Variants in UBE2Q2 observed in about 807,000 individuals in gnomAD.
UBE2Q2 encodes the protein ubiquitin-conjugating enzyme E2 Q2.
Under a neutral mutation model 59.9 loss-of-function variants are expected in UBE2Q2, and 54 were observed. The ratio of observed to expected loss-of-function variants is 0.90; its 90% CI spans 0.72 to 1.13. The LOEUF (loss-of-function observed/expected upper bound fraction) is 1.13, where lower values mean the gene tolerates loss of function less well. Among genes scored for constraint, UBE2Q2 ranks in the 50% most tolerant of loss-of-function variants. UBE2Q2 has a pLI of 0.00. For missense variants in UBE2Q2, 433 were observed against 441.9 expected (o/e 0.98, Z 0.18); for synonymous variants, 165 against 155.2 (o/e 1.06, Z -0.47).
At chr15:75,886,311 G>A (rs1348198301) in intron 9 of UBE2Q2, among the ~76,000 whole-genome samples, 1 of 151,926 alleles carries the variant, frequency 6.6e-6, no homozygotes, top group Non-Finnish European at 1.5e-5. Context: ...GTAGAGACAG[G>A]GTTTCACCAT....
At chr15:75,864,759 C>T (rs1475928688) in intron 3 of UBE2Q2, among the ~76,000 whole-genome samples, 4 of 151,984 alleles carry the variant, frequency 2.6e-5, no homozygotes, top group African/African-American at 7.2e-5. Flanking sequence ...GTGAAAGAAT[C>T]CTCTTTTAGT....
At chr15:75,861,553 T>C (rs532644618) in intron 3 of UBE2Q2, among the ~76,000 whole-genome samples, 1 of 152,338 alleles carries the variant, frequency 6.6e-6, no homozygotes, top group Non-Finnish European at 1.5e-5. Context: ...AACTTTCTCC[T>C]TTCCATTTTA....
In UBE2Q2 at chr15:75,847,622, AGTT is replaced by A. The variant is rs532137836; in HGVS notation, c.180+3780_180+3782del. ...AAACTAACCTGATTGCCGTCTAATTAGTTGTTACAATCACACCGAAATGCAAAG... is the reference window on the plus strand; with the variant it reads ...AAACTAACCTGATTGCCGTCTAATTAGTTACAATCACACCGAAATGCAAAG... On this transcript the variant is annotated intron_variant, in intron 1 of 12. Transcript: ENST00000267938. 1.1e-4 allele frequency among the ~76,000 whole-genome samples: 17 copies of A among 152,324 alleles called. No individual in the cohort carries two copies. The East Asian group carries it at 3.3e-3, about 29-fold the overall frequency.
intron 3 of UBE2Q2, among the ~76,000 whole-genome samples, chr15:75,867,443 A>G (rs1308838064): frequency 6.6e-6 from 1 of 152,096 alleles, no homozygotes; most frequent in East Asian, 1.9e-4. Context: ...GCATGTCCTT[A>G]TAGTTTTAGT....
chr15:75,877,443 T>C (rs971530738), intron 6 of UBE2Q2, among the ~76,000 whole-genome samples: 50 of 151,608 alleles, frequency 3.3e-4, no homozygotes, highest in African/African-American at 1.1e-3. Context: ...TATTTTTAAA[T>C]GTTAAATAAT....
At chr15:75,878,218 C>A in intron 7 of UBE2Q2, 197 bp downstream of exon 7, 1 of 531,918 alleles carries the variant, frequency 1.9e-6, no homozygotes, top group Non-Finnish European at 3.3e-6. Flanking sequence ...AGAGGAAGGA[C>A]AGAAAGAGGG....
intron 3 of UBE2Q2, among the ~76,000 whole-genome samples, chr15:75,867,737 C>T (rs966184381): frequency 2.0e-5 from 3 of 152,134 alleles, no homozygotes; most frequent in African/African-American, 7.2e-5. Context: ...CCTCAGAGAG[C>T]TTTTGAAAAA....
At chr15:75,849,438 A>G (rs1896524378) in intron 1 of UBE2Q2, among the ~76,000 whole-genome samples, 2 of 152,208 alleles carry the variant, frequency 1.3e-5, no homozygotes, top group Admixed American at 1.3e-4. Flanking sequence ...CTGGTCAACC[A>G]GTTTTGGTTG....
intron 1 of UBE2Q2, among the ~76,000 whole-genome samples, chr15:75,852,682 G>A (rs529965663): frequency 6.6e-6 from 1 of 152,272 alleles, no homozygotes; most frequent in Non-Finnish European, 1.5e-5. Flanking sequence ...TGGTCCAGAT[G>A]GTGTATTCCC....
intron 2 of UBE2Q2, among the ~76,000 whole-genome samples, chr15:75,859,233 A>G (rs1897086821): frequency 6.6e-6 from 1 of 152,092 alleles, no homozygotes; most frequent in Non-Finnish European, 1.5e-5. Flanking sequence ...AATTATTGTT[A>G]TTTTTTATAC....
chr15:75,897,430 A>G (rs1899492125), intron 12 of UBE2Q2, among the ~76,000 whole-genome samples: 1 of 151,746 alleles, frequency 6.6e-6, no homozygotes. Context: ...TGTGTTAGCC[A>G]GGATGGTCTC....
chr15:75,865,736 A>G (rs1471353399), intron 3 of UBE2Q2, among the ~76,000 whole-genome samples: 1 of 150,566 alleles, frequency 6.6e-6, no homozygotes, highest in Non-Finnish European at 1.5e-5. Flanking sequence ...TTTGCTTCTT[A>G]TTGCTGCTCC....
chr15:75,843,932 C>G lies in UBE2Q2; in HGVS notation c.180+86C>G. ...TCCCGGGACAAAGGGGAGCCTGCCC[C>G]GGAGAGGCTCCGGCTCCCCGGGCGG... On this transcript the variant is annotated intron_variant, in intron 1 of 12. Transcript: ENST00000267938. The G allele has an allele frequency of 6.3e-6, 9 of 1,428,440 alleles. No individual in the cohort carries two copies. The South Asian group carries it at 1.0e-4, about 16-fold the overall frequency. The allele number at this position is 1,428,440 out of a possible 1,614,324, so 88.5% of individuals were successfully genotyped here. A position where few individuals can be genotyped will look rare whatever the true frequency, so the allele number is the denominator to read the frequency against.
intron 1 of UBE2Q2, chr15:75,844,220 C>T (rs1471784847): frequency 4.1e-6 from 6 of 1,473,642 alleles, no homozygotes; most frequent in Non-Finnish European, 4.5e-6. Flanking sequence ...GGCGCAGCTC[C>T]GGCTGTTGTT....
intron 9 of UBE2Q2, among the ~76,000 whole-genome samples, chr15:75,889,180 A>AC (rs796790081): frequency 1.2e-4 from 19 of 152,260 alleles, no homozygotes; most frequent in African/African-American, 4.3e-4. Context: ...TAGAATACAC[A>AC]AAAAAAAATT....
At chr15:75,862,445 A>G in intron 3 of UBE2Q2, among the ~76,000 whole-genome samples, 1 of 145,928 alleles carries the variant, frequency 6.9e-6, no homozygotes, top group Non-Finnish European at 1.5e-5. Context: ...ACCTTTCCTC[A>G]GGTATCTATT....
In UBE2Q2 at chr15:75,843,853, C is replaced by T. The variant is rs2047866; in HGVS notation, c.180+7C>T. 796,496 of 1,557,132 alleles carry T rather than the reference C, an allele frequency of 0.51. 207,975 individuals carry two copies. Among genetic ancestry groups the T allele is most frequent in the South Asian group, 0.66 (56,199 of 85,258 alleles). On this transcript the variant is annotated splice_region_variant and intron_variant, in intron 1 of 12. Coordinates refer to ENST00000267938, the MANE Select transcript of UBE2Q2 (RefSeq NM_173469.4). ...GCTCCACTGCAACATCACGGTGAGG[C>T]GCCCGGCCGCGGCCCCGCGGGGCAG... is the stretch of plus-strand genomic sequence containing the variant.
chr15:75,847,536 A>T (rs1896416321), intron 1 of UBE2Q2, among the ~76,000 whole-genome samples: 1 of 152,174 alleles, frequency 6.6e-6, no homozygotes, highest in Non-Finnish European at 1.5e-5. Flanking sequence ...CTTTTCTGTG[A>T]AGCCATGATA....
At chr15:75,871,528 G>T (rs574841135) in intron 4 of UBE2Q2, among the ~76,000 whole-genome samples, 3 of 152,188 alleles carry the variant, frequency 2.0e-5, no homozygotes, top group African/African-American at 7.2e-5. Flanking sequence ...GCGGCCTTCC[G>T]CAGTGTTTGT....
Sources: gnomAD v4.1 joint callset for allele counts (sites outside exome capture counted in the v4.1 genomes callset) on GRCh38, gnomAD v4.1.1 for gene constraint, MANE v1.5 for transcripts, NCBI Gene and HGNC (gene_info 2026-07-23, HGNC 2026-07-21) for gene names.